WDPCP: variants seen among roughly 807,000 people sequenced by gnomAD.
WDPCP encodes WD repeat containing planar cell polarity effector.
A neutral mutation model predicts 93.1 loss-of-function variants in WDPCP; 71 were observed. The observed-to-expected ratio is 0.76, with a 90% CI of 0.63 to 0.93. The LOEUF (loss-of-function observed/expected upper bound fraction) is 0.93, where lower values mean the gene tolerates loss of function less well. Among genes scored for constraint, WDPCP ranks in the 40% least tolerant of loss-of-function variants. WDPCP has a pLI of 0.00. For missense variants in WDPCP, 844 were observed against 887.4 expected, an observed-to-expected ratio of 0.95 and a Z score of 0.62; for synonymous variants, 315 against 315.0, an observed-to-expected ratio of 1.00 and a Z score of 0.00.
intron 2 of WDPCP, among the ~76,000 whole-genome samples, chr2:63,687,531 A>T (rs1304028830): frequency 1.3e-5 from 2 of 152,242 alleles, no homozygotes; most frequent in Non-Finnish European, 2.9e-5. Context: ...AAAGATGTGC[A>T]TAGACGTTTC....
intron 2 of WDPCP, among the ~76,000 whole-genome samples, chr2:63,722,431 G>A (rs1386902500): frequency 6.7e-6 from 1 of 150,096 alleles, no homozygotes; most frequent in South Asian, 2.1e-4. Flanking sequence ...ACCCCATCTG[G>A]GAGGTGAGGA....
intron 2 of WDPCP, among the ~76,000 whole-genome samples, chr2:63,732,347 A>G (rs576879833): frequency 6.6e-6 from 1 of 152,324 alleles, no homozygotes; most frequent in South Asian, 2.1e-4. Context: ...ACTGCTGGAG[A>G]CTAAGCTTCA....
intron 3 of WDPCP, among the ~76,000 whole-genome samples, chr2:63,626,206 T>G (rs1389594317): frequency 6.6e-6 from 1 of 152,170 alleles, no homozygotes; most frequent in Non-Finnish European, 1.5e-5. Context: ...ATTAAAGACT[T>G]AAATGTAAGA....
At chr2:63,229,477 C>T (rs1210092473) in intron 14 of WDPCP, 1 of 151,948 alleles carries the variant, frequency 6.6e-6, no homozygotes, top group East Asian at 1.9e-4. Context: ...GTTGCCATTG[C>T]TTTTGGTGTT....
At chr2:63,703,774 G>C (rs1669100952) in intron 2 of WDPCP, among the ~76,000 whole-genome samples, 1 of 152,104 alleles carries the variant, frequency 6.6e-6, no homozygotes, top group African/African-American at 2.4e-5. Flanking sequence ...GATTGACTTG[G>C]CAATGTGGAC....
intron 17 of WDPCP, among the ~76,000 whole-genome samples, chr2:63,125,787 T>C (rs1029824162): frequency 4.6e-5 from 7 of 152,146 alleles, no homozygotes; most frequent in Non-Finnish European, 1.0e-4. Context: ...TTTTTTGTAT[T>C]TTTAGTAGAG....
At chr2:63,822,772 G>T (rs962853609) in intron 1 of WDPCP, among the ~76,000 whole-genome samples, 1 of 151,978 alleles carries the variant, frequency 6.6e-6, no homozygotes, top group African/African-American at 2.4e-5. Flanking sequence ...GGTAGTCTTA[G>T]CTACTCAGGA....
intron 1 of WDPCP, among the ~76,000 whole-genome samples, chr2:63,553,430 G>C (rs1705831825): frequency 6.6e-6 from 1 of 152,118 alleles, no homozygotes; most frequent in Non-Finnish European, 1.5e-5. Flanking sequence ...AATGCCTGAG[G>C]TGTTTTGTCC....
At chr2:63,512,509 A>G (rs1464543297) in intron 1 of WDPCP, among the ~76,000 whole-genome samples, 1 of 152,254 alleles carries the variant, frequency 6.6e-6, no homozygotes, top group Non-Finnish European at 1.5e-5. Flanking sequence ...CATCAATGTT[A>G]GACTGGATGA....
At chr2:63,445,350 T>C (rs889405075) in intron 6 of WDPCP, among the ~76,000 whole-genome samples, 3 of 152,140 alleles carry the variant, frequency 2.0e-5, no homozygotes, top group African/African-American at 7.2e-5. Context: ...TCCCAAAGAT[T>C]TGTACGGTGT....
At chr2:63,541,591 T>G (rs185731953) in intron 1 of WDPCP, among the ~76,000 whole-genome samples, 1 of 152,332 alleles carries the variant, frequency 6.6e-6, no homozygotes, top group Admixed American at 6.5e-5. Context: ...TTTTGCCCGT[T>G]TGTTATTAAA....
chr2:63,662,201 T>C (rs964678604), intron 2 of WDPCP, among the ~76,000 whole-genome samples: 4 of 152,082 alleles, frequency 2.6e-5, no homozygotes, highest in South Asian at 2.1e-4. Context: ...TGGTGGTAAA[T>C]AGCTGGATTT....
chr2:63,588,615 G>C (rs79192955), upstream of WDPCP: 74 of 502,146 alleles, frequency 1.5e-4, 1 homozygote, highest in African/African-American at 1.4e-3. Context: ...TCACGCGCGT[G>C]GGGGTGATGT....
intron 2 of WDPCP, among the ~76,000 whole-genome samples, chr2:63,696,426 C>T (rs372536565): frequency 6.6e-6 from 1 of 152,252 alleles, no homozygotes; most frequent in South Asian, 2.1e-4. Flanking sequence ...TAACTACGCC[C>T]GTTCTACAAG....
chr2:63,777,041 T>A (rs992866524), intron 2 of WDPCP, among the ~76,000 whole-genome samples: 2 of 152,128 alleles, frequency 1.3e-5, no homozygotes, highest in Non-Finnish European at 2.9e-5. Context: ...GTATTGTATA[T>A]CTCAAAATAG....
intron 14 of WDPCP, among the ~76,000 whole-genome samples, chr2:63,238,934 C>A (rs1423859590): frequency 3.3e-5 from 5 of 152,144 alleles, no homozygotes; most frequent in Admixed American, 1.3e-4. Flanking sequence ...TTGCCAATTT[C>A]CACGACATAA....
intron 2 of WDPCP, among the ~76,000 whole-genome samples, chr2:63,704,724 A>T (rs1669120601): frequency 1.3e-5 from 2 of 152,184 alleles, no homozygotes; most frequent in Admixed American, 6.5e-5. Context: ...GGATTTTTGC[A>T]TCGATGTTCA....
At chr2:63,781,371 A>G (rs1416114140) in intron 2 of WDPCP, among the ~76,000 whole-genome samples, 2 of 152,310 alleles carry the variant, frequency 1.3e-5, no homozygotes, top group South Asian at 4.1e-4. Flanking sequence ...AATGGGACAC[A>G]TATTTGTGGG....
At chr2:63,322,342 T>G (rs896939423) in intron 12 of WDPCP, among the ~76,000 whole-genome samples, 1 of 152,232 alleles carries the variant, frequency 6.6e-6, no homozygotes, top group Non-Finnish European at 1.5e-5. Context: ...GAGCCAGCAG[T>G]GGCAACCCGC....
Sources: gnomAD v4.1 joint callset for allele counts (sites outside exome capture counted in the v4.1 genomes callset) on GRCh38, gnomAD v4.1.1 for gene constraint, MANE v1.5 for transcripts, NCBI Gene and HGNC (gene_info 2026-07-23, HGNC 2026-07-21) for gene names.